TNFAIP2: variants seen among roughly 807,000 people sequenced by gnomAD.
The protein encoded by TNFAIP2 is TNF alpha induced protein 2.
A neutral mutation model predicts 63.5 loss-of-function variants in TNFAIP2; 47 were observed. That is an observed-to-expected ratio of 0.74 (90% CI 0.59 to 0.94). TNFAIP2 has a LOEUF of 0.94. Ranked by LOEUF, TNFAIP2 falls within the 40% of genes least tolerant of loss-of-function variation. The probability of loss-of-function intolerance (pLI) is 0.00; values close to 1 mark genes in which losing one functional copy is unlikely to be tolerated. For synonymous variants in TNFAIP2, 405 were observed against 390.2 expected, an observed-to-expected ratio of 1.04 and a Z score of -0.45; for missense variants, 787 against 850.2, an observed-to-expected ratio of 0.93 and a Z score of 0.92.
chr14:103,122,368 G>A (rs1891142431), upstream of TNFAIP2, among the ~76,000 whole-genome samples: 1 of 152,196 alleles, frequency 6.6e-6, no homozygotes, highest in South Asian at 2.1e-4. Flanking sequence ...AAGGGGTGGC[G>A]GAGTGATCAG....
At position 103,131,150 on chromosome 14, in the gene TNFAIP2, G is replaced by T; in HGVS notation, c.1298G>T (p.Arg433Leu). Residue 433 changes from arginine to leucine, a missense_variant and splice_region_variant, in exon 7 of 12, where the codon CGG becomes CTG. Physicochemically the swap from Arg to Leu is moderately radical, Grantham distance 102. Transcript: ENST00000560869. This position sits in a 1 kb window ranked among gnomAD's most constrained non-coding sequence, Gnocchi z 4.0. ...IANINNCLSF[R>L]MSMEQNWQVP... is the part of the protein sequence containing the mutation. ...AACATCAACAACTGCCTGTCCTTCCGGTGAGAGTGTTGGGAGGGGCTTGCG... is the reference window on the plus strand; with the variant it reads ...AACATCAACAACTGCCTGTCCTTCCTGTGAGAGTGTTGGGAGGGGCTTGCG... 1 of 1,614,072 alleles carries T rather than the reference G, an allele frequency of 6.2e-7. No individual in the cohort carries two copies. Among genetic ancestry groups the T allele is most frequent in the Non-Finnish European group, 8.5e-7 (1 of 1,179,974 alleles).
chr14:103,126,427 G>A lies in TNFAIP2; in HGVS notation c.-31G>A. On this transcript the variant is annotated 5_prime_UTR_variant, in exon 2 of 12. Transcript: ENST00000560869. ...TGCCTAGAGGCCCCCAAAAGTTGCA[G>A]TCCACATCAGAGGCAGAGTCAGAGG... is the stretch of plus-strand genomic sequence containing the variant. 1 of 1,534,458 alleles carries A rather than the reference G, an allele frequency of 6.5e-7. No homozygotes were observed. Among genetic ancestry groups the A allele is most frequent in the Non-Finnish European group, 8.8e-7 (1 of 1,139,964 alleles).
At chr14:103,124,129 C>G (rs895913452) in intron 1 of TNFAIP2, among the ~76,000 whole-genome samples, 178 bp downstream of exon 1, 5 of 152,194 alleles carry the variant, frequency 3.3e-5, no homozygotes, top group African/African-American at 9.7e-5. Context: ...TGCACCGGCT[C>G]GCTGCTGCCT....
Position 103,126,708 on chromosome 14 carries a change from G to T in TNFAIP2, c.235+16G>T. On this transcript the variant is annotated intron_variant, in intron 2 of 11. Coordinates refer to ENST00000560869, the MANE Select transcript of TNFAIP2 (RefSeq NM_006291.4). ...CCCCCCACAGGTGCTCTAGGACCCT[G>T]GGTTAGAGCTAGTCTGGGGCCTGGA... The T allele has an allele frequency of 1.3e-6, 2 of 1,557,702 alleles. No individual in the cohort carries two copies. The highest frequency in any genetic ancestry group is 2.4e-5 in the South Asian group (2 of 84,650).
At chr14:103,134,356 A>G (rs1387477240) in intron 11 of TNFAIP2, among the ~76,000 whole-genome samples, 1 of 152,102 alleles carries the variant, frequency 6.6e-6, no homozygotes, top group East Asian at 1.9e-4. Flanking sequence ...CCATTCATTC[A>G]TTCACCCACC....
chr14:103,126,570 A>G lies in TNFAIP2; in HGVS notation c.113A>G (p.Lys38Arg). The G allele has an allele frequency of 1.9e-6, 3 of 1,557,272 alleles. No individual in the cohort carries two copies. The highest frequency in any genetic ancestry group is 2.6e-6 in the Non-Finnish European group (3 of 1,150,538). Reference sequence around the variant, plus strand: ...AAGAAGGAGAAGAAGAAGAAGTCCAAAGGCCTGGCCAATGTGTTCTGCGTC... The same window carrying G: ...AAGAAGGAGAAGAAGAAGAAGTCCAGAGGCCTGGCCAATGTGTTCTGCGTC... The part of the protein sequence containing the change: ...KKKKEKKKKS[K>R]GLANVFCVFT... Residue 38 changes from lysine to arginine, a missense_variant, in exon 2 of 12, where the codon AAA (lysine) becomes AGA (arginine). By Grantham distance (26) the Lys-to-Arg change is conservative. This residue lies in a region of TNFAIP2 where 258 missense variants were observed against 228.9 expected (regional missense o/e 1.13). Coordinates refer to ENST00000560869, the MANE Select transcript of TNFAIP2 (RefSeq NM_006291.4).
Position 103,136,116 on chromosome 14 carries a change from C to A in TNFAIP2, c.*756C>A. 1 of 1,015,234 alleles carries A rather than the reference C, an allele frequency of 9.8e-7. No individual in the cohort carries two copies. The highest frequency in any genetic ancestry group is 1.3e-6 in the Non-Finnish European group (1 of 782,118). The allele number at this position is 1,015,234 out of a possible 1,614,324, so 62.9% of individuals were successfully genotyped here. A position where few individuals can be genotyped will look rare whatever the true frequency, so the allele number is the denominator to read the frequency against. ...GGGTCCTCTCAGGCTCCCCCTTCCC[C>A]AAGGCAGGGACAGGCCCTGGGGGTG... On this transcript the variant is annotated 3_prime_UTR_variant, in exon 12 of 12. Coordinates refer to ENST00000560869, the MANE Select transcript of TNFAIP2 (RefSeq NM_006291.4).
rs149002647 is a variant in TNFAIP2, at chr14:103,131,100, G to A, written c.1248G>A (p.Thr416=). The A allele has an allele frequency of 6.2e-4, 994 of 1,614,176 alleles. 1 individual carries two copies. Among genetic ancestry groups the A allele is most frequent in the South Asian group, 2.1e-3 (191 of 91,084 alleles). ...TTCTGGAGAGAGGCAAGCAGCTGAC[G>A]AATTACAGGGCCAATGTTATTGCCA... ...NEFLERGKQL[T]NYRANVIANI... Residue 416 remains threonine (T), a synonymous_variant, in exon 7 of 12, where the codon ACG becomes ACA. Coordinates refer to ENST00000560869, the MANE Select transcript of TNFAIP2 (RefSeq NM_006291.4). This position sits in a 1 kb window ranked among gnomAD's most constrained non-coding sequence, Gnocchi z 4.0.
chr14:103,131,087 G>T lies in TNFAIP2; in HGVS notation c.1235G>T (p.Gly412Val). ...GCCTTTAATGAATTTCTGGAGAGAGGCAAGCAGCTGACGAATTACAGGGCC... is the reference window on the plus strand; with the variant it reads ...GCCTTTAATGAATTTCTGGAGAGAGTCAAGCAGCTGACGAATTACAGGGCC... Reference protein sequence around the residue: ...QRAFNEFLERGKQLTNYRANV... With the variant: ...QRAFNEFLERVKQLTNYRANV... Residue 412 changes from glycine to valine, a missense_variant, in exon 7 of 12, where the codon GGC (glycine) becomes GTC (valine). Coordinates refer to ENST00000560869, the MANE Select transcript of TNFAIP2 (RefSeq NM_006291.4). This position sits in a 1 kb window ranked among gnomAD's most constrained non-coding sequence, Gnocchi z 4.0. The T allele has an allele frequency of 6.2e-7, 1 of 1,614,216 alleles. No homozygotes were observed. The highest frequency in any genetic ancestry group is 1.1e-5 in the South Asian group (1 of 91,088).
At chr14:103,125,556 G>C (rs1222406342) in intron 1 of TNFAIP2, among the ~76,000 whole-genome samples, 1 of 152,192 alleles carries the variant, frequency 6.6e-6, no homozygotes, top group Non-Finnish European at 1.5e-5. Flanking sequence ...ATGATGCTAC[G>C]ATCCCATTTG....
upstream of TNFAIP2, among the ~76,000 whole-genome samples, chr14:103,122,376 CA>C (rs991618081): frequency 2.0e-5 from 3 of 152,184 alleles, no homozygotes; most frequent in East Asian, 1.9e-4. Context: ...GCGGAGTGAT[CA>C]GGGGGCGGGG....
chr14:103,133,644 G>A, intron 10 of TNFAIP2, 38 bp from the exon 11 acceptor site: 2 of 1,549,336 alleles, frequency 1.3e-6, no homozygotes, highest in Non-Finnish European at 1.7e-6. Context: ...CCGAGCCTCT[G>A]GACCCCTGGG....
rs779642519 is a variant in TNFAIP2, at chr14:103,133,806, G to A, written c.1823+3G>A. On this transcript the variant is annotated splice_donor_region_variant and intron_variant, in intron 11 of 11. Transcript: ENST00000560869. ...GCCACCTGCTACCCTGACTTCAGGT[G>A]AGAACCTGGGGCACCTCAGGACCAC... 2.3e-5 allele frequency: 37 copies of A among 1,581,136 alleles called. No homozygotes were observed. Among genetic ancestry groups the A allele is most frequent in the Non-Finnish European group, 3.1e-5 (36 of 1,173,600 alleles).
upstream of TNFAIP2, chr14:103,122,725 C>T (rs996109326): frequency 6.6e-6 from 3 of 456,024 alleles, no homozygotes; most frequent in East Asian, 1.4e-4. Flanking sequence ...GGCCCCTCCC[C>T]TTCTGCCTGC....
Position 103,129,791 on chromosome 14 carries a change from C to T in TNFAIP2, c.912C>T (p.Leu304=), listed in dbSNP as rs199918201. 2.5e-5 allele frequency: 41 copies of T among 1,613,888 alleles called. No individual in the cohort carries two copies. The highest frequency in any genetic ancestry group is 5.5e-5 in the South Asian group (5 of 91,088). Residue 304 remains leucine, a synonymous_variant, in exon 4 of 12, where the codon CTC becomes CTT. Coordinates refer to ENST00000560869, the MANE Select transcript of TNFAIP2 (RefSeq NM_006291.4). ...TGGGTGAGCTGCAGGGTATGGGGCT[C>T]GGGAGCCTCCTGCCCCCCAGGCAGA... The part of the protein sequence containing the change: ...KLVGELQGMG[L]GSLLPPRQIR...
At position 103,126,358 on chromosome 14, in the gene TNFAIP2, C is replaced by T. The variant is rs2087851505; in HGVS notation, c.-100C>T. The T allele has an allele frequency of 2.5e-6, 2 of 804,804 alleles. No individual in the cohort carries two copies. The highest frequency in any genetic ancestry group is 5.4e-5 in the East Asian group (2 of 37,272). The allele number at this position is 804,804 out of a possible 1,614,324, so 49.9% of individuals were successfully genotyped here. On this transcript the variant is annotated 5_prime_UTR_variant, in exon 2 of 12. Coordinates refer to ENST00000560869, the MANE Select transcript of TNFAIP2 (RefSeq NM_006291.4). ...TGATGCTGAAGATGATGACCTTCTT[C>T]CAAGGCCTCTAGAGCCATCAGCCTG...
Position 103,135,158 on chromosome 14 carries a change from G to A in TNFAIP2, c.1824-61G>A. 6.2e-7 allele frequency: 1 copy of A among 1,609,756 alleles called. No individual in the cohort carries two copies. Among genetic ancestry groups the A allele is most frequent in the Non-Finnish European group, 8.5e-7 (1 of 1,177,116 alleles). On this transcript the variant is annotated intron_variant, in intron 11 of 11. Transcript: ENST00000560869. This position sits in a 1 kb window ranked among gnomAD's most constrained non-coding sequence, Gnocchi z 7.6. ...CCCTGTGGCACTGGCCGGGAGTGCAGGGAGCTGGTGAGTAGGGGTGTGGGT... is the reference window on the plus strand; with the variant it reads ...CCCTGTGGCACTGGCCGGGAGTGCAAGGAGCTGGTGAGTAGGGGTGTGGGT...
Position 103,135,105 on chromosome 14 carries a change from C to T in TNFAIP2, c.1824-114C>T, listed in dbSNP as rs2088067346. ...GGTGAGGGAGAGTGAAGTGCAGCCC[C>T]CTCGTGGGCCGGGCGTTGGCTGTCG... is the stretch of plus-strand genomic sequence containing the variant. On this transcript the variant is annotated intron_variant, in intron 11 of 11. Coordinates refer to ENST00000560869, the MANE Select transcript of TNFAIP2 (RefSeq NM_006291.4). The surrounding 1 kb of genome is among the most constrained non-coding windows in gnomAD (Gnocchi z 7.6). 1 of 1,332,292 alleles carries T rather than the reference C, an allele frequency of 7.5e-7. No homozygotes were observed. Among genetic ancestry groups the T allele is most frequent in the Non-Finnish European group, 1.1e-6 (1 of 936,480 alleles). 82.5% of individuals were successfully genotyped at this position (1,332,292 alleles called of 1,614,324 possible). A position where few individuals can be genotyped will look rare whatever the true frequency, so the allele number is the denominator to read the frequency against.
At chr14:103,126,074 C>G (rs2234126) in intron 1 of TNFAIP2, among the ~76,000 whole-genome samples, 1 of 152,202 alleles carries the variant, frequency 6.6e-6, no homozygotes, top group African/African-American at 2.4e-5. Flanking sequence ...CAGCCTCTTC[C>G]TTGCTTCTGG....
Sources: gnomAD v4.1 joint callset for allele counts (sites outside exome capture counted in the v4.1 genomes callset) on GRCh38, gnomAD v4.1.1 for gene constraint, gnomAD v4.1.1 regional missense constraint, Gnocchi (gnomAD v3.1) non-coding constraint, MANE v1.5 for transcripts, NCBI Gene and HGNC (gene_info 2026-07-23, HGNC 2026-07-21) for gene names.